Variants in PUS10 observed in about 807,000 individuals in gnomAD.
The protein encoded by PUS10 is tRNA pseudouridine synthase Pus10.
In PUS10, 59 loss-of-function variants were observed where a neutral mutation model predicts 75.0. That is an observed-to-expected ratio of 0.79 (90% CI 0.64 to 0.98). The LOEUF is 0.98. Ranked by LOEUF, PUS10 falls within the 50% of genes least tolerant of loss-of-function variation. PUS10 has a pLI of 0.00. For missense variants in PUS10, 650 were observed against 614.4 expected, an observed-to-expected ratio of 1.06 and a Z score of -0.61; for synonymous variants, 219 against 211.6, an observed-to-expected ratio of 1.03 and a Z score of -0.30.
intron 4 of PUS10, among the ~76,000 whole-genome samples, chr2:60,990,743 TC>T (rs1472352851): frequency 6.6e-6 from 1 of 152,066 alleles, no homozygotes; most frequent in African/African-American, 2.4e-5. Flanking sequence ...GTCCAAATTT[TC>T]TTTTCTTTTC....
chr2:60,983,772 T>C (rs1388898316), intron 4 of PUS10, among the ~76,000 whole-genome samples: 3 of 151,958 alleles, frequency 2.0e-5, no homozygotes, highest in East Asian at 3.8e-4. Context: ...CTAAATATAC[T>C]GTATATATTT....
chr2:60,997,609 CA>C (rs559678211), intron 4 of PUS10, among the ~76,000 whole-genome samples: 800 of 77,774 alleles, frequency 0.01, 4 homozygotes, highest in African/African-American at 0.023. Context: ...GACTCCATCT[CA>C]AAAAAAAAAA....
At chr2:60,981,431 C>T (rs890452630) in intron 4 of PUS10, among the ~76,000 whole-genome samples, 3 of 151,596 alleles carry the variant, frequency 2.0e-5, no homozygotes, top group East Asian at 1.9e-4. Context: ...TACAGGTGCC[C>T]GCCACCACAT....
At chr2:60,968,225 G>A (rs1676458118) in intron 5 of PUS10, among the ~76,000 whole-genome samples, 1 of 152,024 alleles carries the variant, frequency 6.6e-6, no homozygotes, top group Non-Finnish European at 1.5e-5. Context: ...ATAGGTTTTG[G>A]GAAGTCCCTT....
Position 60,965,063 on chromosome 2 carries a change from T to A in PUS10, c.718A>T (p.Lys240Ter), listed in dbSNP as rs1474899221. ...AAGCGGGAACCTTTCCTTACCTGTT[T>A]GTTTTTGGCTGGCTTAAAACAATCT... ...CPDCFKPAKN[K>*]QSVFTRMAVM... Residue 240 changes from lysine (K) to a stop codon, truncating the protein, a stop_gained, in exon 8 of 18, where the codon AAA becomes TAA. Transcript: ENST00000316752. LOFTEE classifies it high-confidence loss of function. The A allele has an allele frequency of 5.6e-6, 9 of 1,613,688 alleles. No individual in the cohort carries two copies. Among genetic ancestry groups the A allele is most frequent in the Non-Finnish European group, 7.6e-6 (9 of 1,179,770 alleles).
rs1679407452 is a variant in PUS10, at chr2:61,008,809, T to C, written c.333A>G (p.Val111=). ...AGAATTCTTGAAGAATTCCTAGGCA[T>C]ACATTACATACATTTAAATTTGAGT... is the stretch of plus-strand genomic sequence containing the variant. ...SKNSNLNVCN[V]CLGILQEFCE... is the part of the protein sequence containing the mutation. The change falls in exon 3 of 18, where the codon GTA becomes GTG. Residue 111 remains valine, a synonymous_variant. Transcript: ENST00000316752. 3 of 1,604,140 alleles carry C rather than the reference T, an allele frequency of 1.9e-6. No homozygotes were observed. The highest frequency in any genetic ancestry group is 1.1e-5 in the South Asian group (1 of 89,072).
chr2:60,940,386 A>G lies in PUS10; in HGVS notation c.*2009T>C, dbSNP rs1674572445. 6.6e-6 allele frequency: 1 copy of G among 152,336 alleles called. No individual in the cohort carries two copies. Among genetic ancestry groups the G allele is most frequent in the Non-Finnish European group, 1.5e-5 (1 of 68,006 alleles). 9.4% of individuals were successfully genotyped at this position (152,336 alleles called of 1,614,324 possible). A position where few individuals can be genotyped will look rare whatever the true frequency, so the allele number is the denominator to read the frequency against. On this transcript the variant is annotated 3_prime_UTR_variant, in exon 18 of 18. Transcript: ENST00000316752. ...GTTATGAAAAAGACTTTGAATTTAA[A>G]TAAAGCTTACAAAGAAATCATAAAA...
intron 16 of PUS10, among the ~76,000 whole-genome samples, chr2:60,947,785 C>T (rs1476735262): frequency 6.3e-5 from 9 of 143,422 alleles, no homozygotes; most frequent in Non-Finnish European, 1.0e-4. Context: ...GCCGAGATGG[C>T]GCCACCGCAC....
chr2:60,991,826 GA>G (rs1037100590), intron 4 of PUS10, among the ~76,000 whole-genome samples: 1 of 152,070 alleles, frequency 6.6e-6, no homozygotes, highest in African/African-American at 2.4e-5. Context: ...AACAAAGCAA[GA>G]AAAAGAAATA....
At chr2:60,947,590 A>T (rs567541325) in intron 16 of PUS10, among the ~76,000 whole-genome samples, 2 of 152,268 alleles carry the variant, frequency 1.3e-5, no homozygotes, top group South Asian at 2.1e-4. Context: ...AGCACTTCGG[A>T]AGGCCGAGGT....
intron 14 of PUS10, among the ~76,000 whole-genome samples, chr2:60,953,644 T>G (rs925848710): frequency 6.6e-6 from 1 of 152,256 alleles, no homozygotes; most frequent in African/African-American, 2.4e-5. Flanking sequence ...TAAATATTCA[T>G]GTACAAGTCT....
intron 8 of PUS10, among the ~76,000 whole-genome samples, chr2:60,963,441 G>A (rs1208960006): frequency 6.6e-6 from 1 of 152,198 alleles, no homozygotes; most frequent in African/African-American, 2.4e-5. Context: ...GTACTGAACA[G>A]AAGGGCATCT....
intron 5 of PUS10, among the ~76,000 whole-genome samples, chr2:60,970,245 T>G (rs559526945): frequency 1.3e-5 from 2 of 152,344 alleles, no homozygotes; most frequent in East Asian, 3.9e-4. Flanking sequence ...TGAGACTAAT[T>G]TAATAAGATC....
chr2:60,964,522 T>G (rs1676221231), intron 8 of PUS10, among the ~76,000 whole-genome samples: 1 of 152,222 alleles, frequency 6.6e-6, no homozygotes, highest in Non-Finnish European at 1.5e-5. Flanking sequence ...AACATGAAGA[T>G]TAGCTAACAT....
In PUS10 at chr2:60,955,006, T is replaced by C; in HGVS notation, c.1057+12A>G. 6.5e-7 allele frequency: 1 copy of C among 1,536,498 alleles called. No individual in the cohort carries two copies. Among genetic ancestry groups the C allele is most frequent in the Non-Finnish European group, 8.9e-7 (1 of 1,122,788 alleles). ...AGTTAGTTCTAATCAGGTGATGCTGTTGCAGTCTTACCATTTCCTAATGTT... is the reference window on the plus strand; with the variant it reads ...AGTTAGTTCTAATCAGGTGATGCTGCTGCAGTCTTACCATTTCCTAATGTT... On this transcript the variant is annotated intron_variant, in intron 12 of 17. Coordinates refer to ENST00000316752, the MANE Select transcript of PUS10 (RefSeq NM_144709.4).
intron 1 of PUS10, 142 bp from the exon 2 acceptor site, chr2:61,012,047 C>T: frequency 4.2e-6 from 2 of 473,906 alleles, no homozygotes; most frequent in Non-Finnish European, 6.9e-6. Context: ...TCATTACACA[C>T]ATATTATAAA....
intron 4 of PUS10, among the ~76,000 whole-genome samples, chr2:60,982,328 T>C (rs1367950893): frequency 6.6e-6 from 1 of 152,174 alleles, no homozygotes; most frequent in African/African-American, 2.4e-5. Context: ...AGTGGCACGA[T>C]CTTGGCTTAC....
rs377374639 is a variant in PUS10 at position 60,948,237 on chromosome 2, G to C, written c.1309-52C>G. Reference sequence around the variant, plus strand: ...CAGAGTCAGAGCTTTGCCACCCAGTGAATCCTGTCTTAGCCCTTCCCTCAC... The same window carrying C: ...CAGAGTCAGAGCTTTGCCACCCAGTCAATCCTGTCTTAGCCCTTCCCTCAC... On this transcript the variant is annotated intron_variant, in intron 15 of 17. Transcript: ENST00000316752. 9.5e-6 allele frequency: 15 copies of C among 1,582,762 alleles called. 1 individual carries two copies. The African/African-American group carries it at 1.6e-4, about 17-fold the overall frequency.
At chr2:61,016,032 G>T (rs1037319657) in intron 1 of PUS10, among the ~76,000 whole-genome samples, 1 of 152,144 alleles carries the variant, frequency 6.6e-6, no homozygotes, top group African/African-American at 2.4e-5. Context: ...ACTTAATGAA[G>T]ATTTCCCTCG....
Sources: allele counts gnomAD v4.1 joint callset (sites outside exome capture counted in the v4.1 genomes callset), GRCh38; gene constraint gnomAD v4.1.1; transcripts MANE v1.5; gene names NCBI Gene and HGNC (gene_info 2026-07-23, HGNC 2026-07-21).